NCAM1: variants seen among roughly 807,000 people sequenced by gnomAD.
NCAM1 encodes the protein neural cell adhesion molecule 1.
In NCAM1, 14 loss-of-function variants were observed where a neutral mutation model predicts 109.8. The ratio of observed to expected loss-of-function variants is 0.13; its 90% CI spans 0.08 to 0.20. The LOEUF is 0.20. Among genes scored for constraint, NCAM1 ranks in the 10% least tolerant of loss-of-function variants. The pLI, the probability that NCAM1 is intolerant of heterozygous loss-of-function variation, is 1.00. For missense variants in NCAM1, 774 were observed against 1,109.9 expected, an observed-to-expected ratio of 0.70 and a Z score of 4.30; for synonymous variants, 418 against 442.9, an observed-to-expected ratio of 0.94 and a Z score of 0.70.
At chr11:113,014,093 T>A (rs2135156757) in intron 1 of NCAM1, among the ~76,000 whole-genome samples, 1 of 152,278 alleles carries the variant, frequency 6.6e-6, no homozygotes, top group East Asian at 1.9e-4. Flanking sequence ...CTAATTTTTG[T>A]AACTTTATGT....
intron 1 of NCAM1, among the ~76,000 whole-genome samples, chr11:113,126,545 T>C (rs1555097138): frequency 6.6e-6 from 1 of 152,240 alleles, no homozygotes; most frequent in East Asian, 1.9e-4. Context: ...TATTGCTTAG[T>C]CTTTAAGCAA....
intron 1 of NCAM1, among the ~76,000 whole-genome samples, chr11:113,176,143 A>G (rs1426568082): frequency 6.6e-6 from 1 of 152,182 alleles, no homozygotes; most frequent in African/African-American, 2.4e-5. Context: ...TACTGTTGAG[A>G]ACACCAAGCT....
Position 113,176,291 on chromosome 11 carries a change from T to A in NCAM1, c.53-26088T>A, listed in dbSNP as rs150931055. The stretch of plus-strand genomic sequence containing the variant: ...CATGGCCTCTTGGAGGCTAATAGAT[T>A]TAGGAGGAGTTCTCTGTCGCCTTTT... On this transcript the variant is annotated intron_variant, in intron 1 of 19. Coordinates refer to ENST00000316851, the MANE Select transcript of NCAM1 (RefSeq NM_181351.5). Among the ~76,000 whole-genome samples the A allele has an allele frequency of 1.8e-4, 27 of 152,266 alleles. 1 individual carries two copies. Among genetic ancestry groups the A allele is most frequent in the African/African-American group, 6.5e-4 (27 of 41,548 alleles).
chr11:113,166,674 C>G (rs1185789487), intron 1 of NCAM1, among the ~76,000 whole-genome samples: 1 of 152,030 alleles, frequency 6.6e-6, no homozygotes, highest in Non-Finnish European at 1.5e-5. Context: ...CATGGGGAAG[C>G]CTTTCAGATC....
chr11:113,040,684 C>T (rs1391581780), intron 1 of NCAM1, among the ~76,000 whole-genome samples: 10 of 152,124 alleles, frequency 6.6e-5, no homozygotes, highest in African/African-American at 1.9e-4. Context: ...ATTTAGAAAC[C>T]ATCAATACAG....
intron 1 of NCAM1, among the ~76,000 whole-genome samples, chr11:113,023,787 C>A (rs994040390): frequency 1.5e-4 from 23 of 152,106 alleles, no homozygotes; most frequent in African/African-American, 5.3e-4. Flanking sequence ...AATAGGAGGA[C>A]ATTCTTTTAA....
At chr11:113,052,200 C>T (rs1953528139) in intron 1 of NCAM1, among the ~76,000 whole-genome samples, 1 of 152,102 alleles carries the variant, frequency 6.6e-6, no homozygotes, top group Non-Finnish European at 1.5e-5. Flanking sequence ...TGATACCTAC[C>T]TAAGGGAATT....
intron 2 of NCAM1, among the ~76,000 whole-genome samples, chr11:113,202,754 C>T (rs1045074399): frequency 4.1e-4 from 62 of 152,206 alleles, no homozygotes; most frequent in African/African-American, 1.4e-3. Context: ...CCCCCATCTC[C>T]TATTCTGTAT....
intron 7 of NCAM1, among the ~76,000 whole-genome samples, chr11:113,209,454 A>T (rs1407692710): frequency 1.3e-5 from 2 of 152,180 alleles, no homozygotes; most frequent in African/African-American, 4.8e-5. Flanking sequence ...CCCAATCACT[A>T]TGGTTTTAGT....
chr11:113,262,813 T>A, intron 17 of NCAM1: 1 of 1,611,364 alleles, frequency 6.2e-7, no homozygotes. Context: ...ACAACCACAT[T>A]ATCTCTGGGG....
At chr11:113,151,944 G>C (rs564229452) in intron 1 of NCAM1, among the ~76,000 whole-genome samples, 1 of 152,330 alleles carries the variant, frequency 6.6e-6, no homozygotes, top group East Asian at 1.9e-4. Flanking sequence ...TGCAAGCTTG[G>C]GGGTGGGAGG....
At position 113,207,942 on chromosome 11, in the gene NCAM1, A is replaced by G. The variant is rs2136952953; in HGVS notation, c.856A>G (p.Ile286Val). ...KVDKNDEAEY[I>V]CIAENKAGEQ... ...GGATAAGAACGACGAGGCTGAGTAC[A>G]TCTGCATTGCTGAGAACAAGGCTGG... Residue 286 changes from isoleucine (I) to valine (V), a missense_variant, in exon 7 of 20, where the codon ATC (isoleucine) becomes GTC (valine). This residue lies in a region of NCAM1 where 523 missense variants were observed against 784.2 expected (regional missense o/e 0.67). Coordinates refer to ENST00000316851, the MANE Select transcript of NCAM1 (RefSeq NM_181351.5). 6.2e-7 allele frequency: 1 copy of G among 1,612,676 alleles called. No individual in the cohort carries two copies. The highest frequency in any genetic ancestry group is 8.5e-7 in the Non-Finnish European group (1 of 1,179,392).
chr11:113,250,851 G>A (rs1945655879), intron 15 of NCAM1, among the ~76,000 whole-genome samples: 1 of 152,242 alleles, frequency 6.6e-6, no homozygotes, highest in Non-Finnish European at 1.5e-5. Context: ...AGGCTGGAGT[G>A]CAGTGGTGCG....
chr11:113,008,348 A>C (rs565406292), intron 1 of NCAM1, among the ~76,000 whole-genome samples: 32 of 152,320 alleles, frequency 2.1e-4, no homozygotes, highest in African/African-American at 3.8e-4. Flanking sequence ...CAAGCTGAGG[A>C]GATCTCTCCA....
chr11:113,236,397 CT>C, intron 14 of NCAM1: 3 of 1,473,418 alleles, frequency 2.0e-6, no homozygotes, highest in Non-Finnish European at 2.8e-6. Context: ...GTTCTGGTCC[CT>C]TTTTTGTCCC....
intron 1 of NCAM1, among the ~76,000 whole-genome samples, chr11:112,974,308 G>T (rs1274398180): frequency 2.6e-5 from 4 of 151,902 alleles, no homozygotes; most frequent in African/African-American, 9.7e-5. Flanking sequence ...TATTATGTTT[G>T]CTGTTGTATC....
intron 1 of NCAM1, among the ~76,000 whole-genome samples, chr11:113,084,274 G>A (rs574524938): frequency 2.0e-5 from 3 of 152,276 alleles, no homozygotes; most frequent in African/African-American, 7.2e-5. Flanking sequence ...TTGAGCCCTA[G>A]AGACTTTATT....
chr11:113,005,481 G>T (rs1459711116), intron 1 of NCAM1, among the ~76,000 whole-genome samples: 3 of 152,244 alleles, frequency 2.0e-5, no homozygotes, highest in African/African-American at 4.8e-5. Flanking sequence ...CTGGTGTTCT[G>T]GGACTGAGTA....
intron 1 of NCAM1, among the ~76,000 whole-genome samples, chr11:113,073,082 C>G (rs1324350190): frequency 6.6e-6 from 1 of 152,118 alleles, no homozygotes; most frequent in Admixed American, 6.5e-5. Flanking sequence ...CTCTAAATAT[C>G]TCAAAGAAGT....
Sources: allele counts gnomAD v4.1 joint callset (sites outside exome capture counted in the v4.1 genomes callset), GRCh38; gene constraint gnomAD v4.1.1; regional missense constraint gnomAD v4.1.1; transcripts MANE v1.5; gene names NCBI Gene and HGNC (gene_info 2026-07-23, HGNC 2026-07-21).